ELAVL4: variants seen among roughly 807,000 people sequenced by gnomAD.
ELAVL4 encodes ELAV-like protein 4.
ELAVL4 carries 1 observed loss-of-function variant against 35.6 expected under a neutral mutation model. That is an observed-to-expected ratio of 0.03 (90% CI 0.01 to 0.13). The LOEUF is 0.13. Among genes scored for constraint, ELAVL4 ranks in the 10% least tolerant of loss-of-function variants. ELAVL4 has a pLI of 1.00. For missense variants in ELAVL4, 267 were observed against 464.9 expected (o/e 0.57, Z 3.91); for synonymous variants, 156 against 171.0 (o/e 0.91, Z 0.69).
chr1:50,048,088 T>C, exon 1 of ELAVL4: 4 of 1,430,796 alleles, frequency 2.8e-6, no homozygotes, highest in Non-Finnish European at 3.7e-6. Context: ...GGTGAGACTC[T>C]GCGGACGTCT....
At position 50,163,029 on chromosome 1, in the gene ELAVL4, G is replaced by C. The variant is rs1677073668; in HGVS notation, c.251-14060G>C. ...ATGGATTCAACTTAGAAATGGTATTGACAGTACAGGTTGACATCAACAACA... is the reference window on the plus strand; with the variant it reads ...ATGGATTCAACTTAGAAATGGTATTCACAGTACAGGTTGACATCAACAACA... On this transcript the variant is annotated intron_variant, in intron 2 of 6. Transcript: ENST00000371824. Among the ~76,000 whole-genome samples, 4 of 152,328 alleles carry C rather than the reference G, an allele frequency of 2.6e-5. No homozygotes were observed. The South Asian group carries it at 8.3e-4, about 32-fold the overall frequency.
At chr1:50,110,201 C>T (rs1344877342) in intron 1 of ELAVL4, among the ~76,000 whole-genome samples, 2 of 152,200 alleles carry the variant, frequency 1.3e-5, no homozygotes, top group Admixed American at 6.5e-5. Context: ...CTGCCTCTTC[C>T]AGCAAACACA....
chr1:50,114,354 A>C (rs1375745558), intron 1 of ELAVL4, among the ~76,000 whole-genome samples: 1 of 151,972 alleles, frequency 6.6e-6, no homozygotes, highest in East Asian at 1.9e-4. Context: ...TTGCTTTGTA[A>C]GTTGGTGTGC....
intron 1 of ELAVL4, among the ~76,000 whole-genome samples, chr1:50,064,970 G>A (rs2148481645): frequency 1.3e-5 from 2 of 152,194 alleles, no homozygotes; most frequent in South Asian, 4.1e-4. Flanking sequence ...AGAGACATAG[G>A]GGATATTTGG....
At chr1:50,178,218 A>G (rs1680404820) in intron 3 of ELAVL4, among the ~76,000 whole-genome samples, 1 of 152,172 alleles carries the variant, frequency 6.6e-6, no homozygotes, top group Non-Finnish European at 1.5e-5. Context: ...TCTTATCCTC[A>G]CGACAGCAGG....
chr1:50,124,072 C>T (rs1669479627), intron 1 of ELAVL4, among the ~76,000 whole-genome samples: 1 of 152,076 alleles, frequency 6.6e-6, no homozygotes, highest in South Asian at 2.1e-4. Flanking sequence ...AATGTGTTCC[C>T]ATCAGGTGCC....
chr1:50,188,543 C>T (rs531637794), intron 3 of ELAVL4, among the ~76,000 whole-genome samples: 3 of 152,188 alleles, frequency 2.0e-5, no homozygotes, highest in East Asian at 1.9e-4. Context: ...TCTTTATTGC[C>T]AATTAAGGCC....
chr1:50,174,565 G>T (rs775305469), intron 2 of ELAVL4: 2 of 151,672 alleles, frequency 1.3e-5, no homozygotes, highest in Admixed American at 6.6e-5. Flanking sequence ...GTTAGAGCAG[G>T]TGATAACACA....
In ELAVL4 at chr1:50,155,301, C is replaced by T. The variant is rs530427116; in HGVS notation, c.250+10104C>T. Among the ~76,000 whole-genome samples, 3 of 151,486 alleles carry T rather than the reference C, an allele frequency of 2.0e-5. No homozygotes were observed. In the South Asian group the frequency reaches 6.3e-4, roughly 32 times the overall value. ...AAAATGAATGGTGACAACTTTGGTT[C>T]CTTTCTCAAGTAGTTACCAGAATCC... On this transcript the variant is annotated intron_variant, in intron 2 of 6. Coordinates refer to ENST00000371824, the MANE Select transcript of ELAVL4 (RefSeq NM_001144774.3).
At chr1:50,065,589 A>T (rs756637202) in intron 1 of ELAVL4, among the ~76,000 whole-genome samples, 7 of 152,242 alleles carry the variant, frequency 4.6e-5, no homozygotes, top group African/African-American at 7.2e-5. Flanking sequence ...AGAATGCCAG[A>T]CACATAGTAT....
intron 3 of ELAVL4, among the ~76,000 whole-genome samples, chr1:50,187,867 G>T (rs1168666554): frequency 6.6e-6 from 1 of 152,058 alleles, no homozygotes; most frequent in Non-Finnish European, 1.5e-5. Flanking sequence ...AGGCTGAGAC[G>T]AGCAGATCAT....
At chr1:50,129,189 A>G (rs1670449961) in intron 1 of ELAVL4, among the ~76,000 whole-genome samples, 1 of 152,094 alleles carries the variant, frequency 6.6e-6, no homozygotes, top group Non-Finnish European at 1.5e-5. Context: ...TTGCTCTGTT[A>G]TCTCTACACT....
chr1:50,100,221 A>G (rs1204207909), upstream of ELAVL4, among the ~76,000 whole-genome samples: 1 of 152,216 alleles, frequency 6.6e-6, no homozygotes, highest in Non-Finnish European at 1.5e-5. Flanking sequence ...AGCACCTACC[A>G]TAATGTTCAA....
chr1:50,075,481 AAGG>A (rs1176986906), intron 1 of ELAVL4, among the ~76,000 whole-genome samples: 5 of 152,136 alleles, frequency 3.3e-5, no homozygotes, highest in Non-Finnish European at 5.9e-5. Context: ...ACTGAAGAGG[AAGG>A]AGAAGGGGAA....
intron 1 of ELAVL4, among the ~76,000 whole-genome samples, chr1:50,062,482 C>T (rs1485121554): frequency 6.6e-6 from 1 of 152,048 alleles, no homozygotes; most frequent in Non-Finnish European, 1.5e-5. Context: ...CTGCACTTAC[C>T]ATACCACACC....
intron 1 of ELAVL4, among the ~76,000 whole-genome samples, chr1:50,085,083 A>T (rs1665180193): frequency 6.6e-6 from 1 of 152,142 alleles, no homozygotes; most frequent in Non-Finnish European, 1.5e-5. Flanking sequence ...CAAAAATTTC[A>T]TCCCAGCATC....
chr1:50,068,019 A>T (rs1664345748), intron 1 of ELAVL4, among the ~76,000 whole-genome samples: 1 of 152,186 alleles, frequency 6.6e-6, no homozygotes, highest in Non-Finnish European at 1.5e-5. Flanking sequence ...GATTATGGGA[A>T]CTATAATTCA....
rs1572497530 is a variant in ELAVL4 at position 50,167,619 on chromosome 1, T to C, written c.251-9470T>C. Among the ~76,000 whole-genome samples, 3 of 152,256 alleles carry C rather than the reference T, an allele frequency of 2.0e-5. No homozygotes were observed. The South Asian group carries it at 6.2e-4, about 32-fold the overall frequency. On this transcript the variant is annotated intron_variant, in intron 2 of 6. Coordinates refer to ENST00000371824, the MANE Select transcript of ELAVL4 (RefSeq NM_001144774.3). ...GCACTCAGCAGTGGCTGTAGCCAGG[T>C]CACCCTTGGTGAGTGGAAGTCCATG...
chr1:50,093,947 GATA>G (rs1665604505), intron 1 of ELAVL4, among the ~76,000 whole-genome samples: 1 of 152,150 alleles, frequency 6.6e-6, no homozygotes, highest in Admixed American at 6.5e-5. Flanking sequence ...TCAATGCAGA[GATA>G]ATAATAACAG....
Sources: gnomAD v4.1 joint callset for allele counts (sites outside exome capture counted in the v4.1 genomes callset) on GRCh38, gnomAD v4.1.1 for gene constraint, MANE v1.5 for transcripts, NCBI Gene and HGNC (gene_info 2026-07-23, HGNC 2026-07-21) for gene names.